Variants in SOX5 observed in about 807,000 individuals in gnomAD.
SOX5 encodes the protein transcription factor SOX-5.
A neutral mutation model predicts 92.0 loss-of-function variants in SOX5; 9 were observed. That is an observed-to-expected ratio of 0.10 (90% CI 0.06 to 0.17). SOX5 has a LOEUF of 0.17. Ranked by LOEUF, SOX5 falls within the 10% of genes least tolerant of loss-of-function variation. The probability of loss-of-function intolerance (pLI) is 1.00; values close to 1 mark genes in which losing one functional copy is unlikely to be tolerated. For synonymous variants in SOX5, 344 were observed against 336.3 expected (o/e 1.02, Z -0.25); for missense variants, 642 against 944.5 (o/e 0.68, Z 4.20).
intron 7 of SOX5, among the ~76,000 whole-genome samples, chr12:23,646,863 A>G (rs10842205): frequency 0.46 from 69,605 of 151,980 alleles, 16,341 homozygotes; most frequent in African/African-American, 0.56. Flanking sequence ...TATTTCCTCT[A>G]CTGATGTCTT....
chr12:24,319,387 G>A (rs1431145298), intron 2 of SOX5, among the ~76,000 whole-genome samples: 3 of 152,110 alleles, frequency 2.0e-5, no homozygotes, highest in Admixed American at 6.5e-5. Flanking sequence ...CAGTTCTTAC[G>A]TAACTTGATC....
chr12:24,078,217 T>A (rs1277883151), intron 4 of SOX5, among the ~76,000 whole-genome samples: 1 of 151,870 alleles, frequency 6.6e-6, no homozygotes, highest in Non-Finnish European at 1.5e-5. Context: ...AAAACAGTTT[T>A]AAAAAAAGGT....
chr12:23,972,225 T>C (rs1948423288), intron 4 of SOX5, among the ~76,000 whole-genome samples: 1 of 152,212 alleles, frequency 6.6e-6, no homozygotes, highest in African/African-American at 2.4e-5. Flanking sequence ...GTCAGTTGAG[T>C]ATTTTTACTT....
At chr12:24,229,344 C>A (rs1962866022) in intron 3 of SOX5, among the ~76,000 whole-genome samples, 2 of 152,022 alleles carry the variant, frequency 1.3e-5, no homozygotes. Context: ...AATTGCAAGG[C>A]AGGAGTAGCT....
chr12:24,519,911 AAG>A lies in SOX5; in HGVS notation c.-251+42416_-251+42417del, dbSNP rs1950120319. Among the ~76,000 whole-genome samples the A allele has an allele frequency of 2.0e-5, 3 of 152,290 alleles. No individual in the cohort carries two copies. In the East Asian group the frequency reaches 5.8e-4, roughly 29 times the overall value. On this transcript the variant is annotated intron_variant, in intron 1 of 4. Transcript: ENST00000446891. ...CAAATTGTCATAAGGCAAAGACAAA[AAG>A]AGAATTTTGAAACAAGAGAAAAGTG...
intron 2 of SOX5, among the ~76,000 whole-genome samples, chr12:24,322,011 C>T (rs1950248192): frequency 6.6e-6 from 1 of 152,068 alleles, no homozygotes; most frequent in Admixed American, 6.6e-5. Flanking sequence ...GGAAGAACAA[C>T]CTGTCTTATG....
chr12:24,141,913 A>C (rs1950622995), intron 4 of SOX5, among the ~76,000 whole-genome samples: 1 of 151,996 alleles, frequency 6.6e-6, no homozygotes, highest in African/African-American at 2.4e-5. Context: ...TTCGGGTATG[A>C]TGGTCTCTGT....
chr12:24,524,523 GA>G (rs2138540306), intron 1 of SOX5, among the ~76,000 whole-genome samples: 1 of 152,046 alleles, frequency 6.6e-6, no homozygotes, highest in African/African-American at 2.4e-5. Context: ...AAAAAATCCT[GA>G]TTTTAAAATG....
chr12:24,005,455 A>G (rs1251455038), intron 4 of SOX5, among the ~76,000 whole-genome samples: 1 of 152,116 alleles, frequency 6.6e-6, no homozygotes, highest in Non-Finnish European at 1.5e-5. Flanking sequence ...GTATGCTATC[A>G]TGTTTCTGCC....
At chr12:23,790,772 A>G (rs1246700198) in intron 3 of SOX5, among the ~76,000 whole-genome samples, 2 of 152,150 alleles carry the variant, frequency 1.3e-5, no homozygotes, top group African/African-American at 2.4e-5. Flanking sequence ...ACTGTACCCT[A>G]CTAATAAAAG....
At chr12:24,057,734 A>G (rs1391046072) in intron 4 of SOX5, among the ~76,000 whole-genome samples, 1 of 152,058 alleles carries the variant, frequency 6.6e-6, no homozygotes, top group East Asian at 1.9e-4. Context: ...ACGTGTAACT[A>G]TAAATACATT....
intron 6 of SOX5, among the ~76,000 whole-genome samples, chr12:23,676,314 T>A (rs891698671): frequency 2.0e-5 from 3 of 152,208 alleles, no homozygotes; most frequent in Non-Finnish European, 4.4e-5. Flanking sequence ...CATCAAAATA[T>A]CATGTTGTAT....
intron 2 of SOX5, among the ~76,000 whole-genome samples, chr12:23,856,236 G>A (rs2096687745): frequency 6.6e-6 from 1 of 152,012 alleles, no homozygotes; most frequent in South Asian, 2.1e-4. Context: ...TAGGTTCTCT[G>A]CAAAGATTAT....
intron 2 of SOX5, among the ~76,000 whole-genome samples, chr12:24,364,541 T>TATATAC (rs1555253836): frequency 7.1e-6 from 1 of 140,394 alleles, no homozygotes; most frequent in South Asian, 2.3e-4. Flanking sequence ...TATATATATA[T>TATATAC]ATACACGAAT....
chr12:24,542,528 A>G (rs1013214197), intron 1 of SOX5, among the ~76,000 whole-genome samples: 6 of 152,318 alleles, frequency 3.9e-5, no homozygotes, highest in Non-Finnish European at 8.8e-5. Context: ...TTCTTCTGCA[A>G]AATATACGAT....
At chr12:23,949,542 A>C in intron 1 of SOX5, 22 bp downstream of exon 1, 1 of 1,613,168 alleles carries the variant, frequency 6.2e-7, no homozygotes, top group Non-Finnish European at 8.5e-7. Context: ...TCAATATATT[A>C]GGGGGAAAAA....
chr12:24,368,734 T>C (rs568579316), intron 1 of SOX5: 20 of 152,348 alleles, frequency 1.3e-4, no homozygotes, highest in African/African-American at 4.8e-4. Flanking sequence ...TTCAACGAAG[T>C]AACCATCCAT....
At chr12:24,361,433 G>A (rs988787821) in intron 2 of SOX5, among the ~76,000 whole-genome samples, 1 of 152,108 alleles carries the variant, frequency 6.6e-6, no homozygotes, top group Non-Finnish European at 1.5e-5. Context: ...AGCTGAAAAA[G>A]TGGGTATAAT....
intron 1 of SOX5, among the ~76,000 whole-genome samples, chr12:24,492,430 C>G (rs181903636): frequency 3.9e-5 from 6 of 152,234 alleles, no homozygotes; most frequent in Admixed American, 1.3e-4. Context: ...TATGATACTT[C>G]TATCTTGGGA....
Sources: gnomAD v4.1 joint callset for allele counts (sites outside exome capture counted in the v4.1 genomes callset) on GRCh38, gnomAD v4.1.1 for gene constraint, MANE v1.5 for transcripts, NCBI Gene and HGNC (gene_info 2026-07-23, HGNC 2026-07-21) for gene names.